The following ANK2 variants were observed in gnomAD, a reference collection of about 807,000 sequenced individuals.
ANK2 encodes the protein ankyrin 2, also known as ankyrin-2.
Under a neutral mutation model 360.5 loss-of-function variants are expected in ANK2, and 83 were observed. That is an observed-to-expected ratio of 0.23 (90% CI 0.19 to 0.28). The LOEUF is 0.28. ANK2 is among the 10% of genes least tolerant of loss of function. The probability of loss-of-function intolerance (pLI) is 1.00; values close to 1 mark genes in which losing one functional copy is unlikely to be tolerated. For synonymous variants in ANK2, 1,740 were observed against 1,759.5 expected, an observed-to-expected ratio of 0.99 and a Z score of 0.28; for missense variants, 4,201 against 4,795.7, an observed-to-expected ratio of 0.88 and a Z score of 3.66.
At chr4:113,280,543 G>A (rs2061899674) in intron 17 of ANK2, among the ~76,000 whole-genome samples, 1 of 152,108 alleles carries the variant, frequency 6.6e-6, no homozygotes, top group African/African-American at 2.4e-5. Context: ...GATCCCCACT[G>A]TAGTCTCCAC....
chr4:113,222,715 A>G (rs917762731), intron 4 of ANK2, among the ~76,000 whole-genome samples: 4 of 152,242 alleles, frequency 2.6e-5, no homozygotes, highest in Admixed American at 1.3e-4. Flanking sequence ...AGGATGACAC[A>G]GTAAACACTT....
chr4:113,194,881 G>A (rs369832559), intron 2 of ANK2, among the ~76,000 whole-genome samples: 114 of 152,082 alleles, frequency 7.5e-4, no homozygotes, highest in African/African-American at 2.6e-3. Flanking sequence ...TTCCCATTTG[G>A]TATGCAGTAT....
At chr4:113,196,238 C>A in intron 2 of ANK2, 130 bp from the exon 3 acceptor site, 1 of 707,542 alleles carries the variant, frequency 1.4e-6, no homozygotes, top group Non-Finnish European at 2.4e-6. Flanking sequence ...ATTCAAGATT[C>A]TAATGCAAAA....
At chr4:112,854,253 G>A (rs931302532) in intron 1 of ANK2, among the ~76,000 whole-genome samples, 28 of 151,920 alleles carry the variant, frequency 1.8e-4, no homozygotes, top group African/African-American at 6.8e-4. Flanking sequence ...TTATAGGATT[G>A]AAGGTTGTGT....
intron 1 of ANK2, among the ~76,000 whole-genome samples, chr4:113,104,433 G>C (rs543761559): frequency 5.9e-5 from 9 of 152,288 alleles, no homozygotes; most frequent in East Asian, 3.9e-4. Context: ...ATTTGGGAGG[G>C]CTGGGCACAG....
chr4:113,255,261 A>G (rs2048663179), intron 10 of ANK2, among the ~76,000 whole-genome samples: 1 of 152,224 alleles, frequency 6.6e-6, no homozygotes, highest in African/African-American at 2.4e-5. Context: ...TTTCAGAGGA[A>G]CATGGATCTA....
chr4:113,242,162 G>T lies in ANK2; in HGVS notation c.844G>T (p.Val282Leu), dbSNP rs886059009. The T allele has an allele frequency of 6.2e-7, 1 of 1,614,058 alleles. No individual in the cohort carries two copies. Among genetic ancestry groups the T allele is most frequent in the East Asian group, 2.2e-5 (1 of 44,862 alleles). The change falls in exon 9 of 46, where the codon GTG (valine) becomes TTG (leucine). Residue 282 changes from valine to leucine, a missense_variant. By Grantham distance (32) the Val-to-Leu change is conservative. Around this residue, in one of 4 missense-constraint regions of ANK2, gnomAD observed 122 missense variants for 239.3 expected, o/e 0.51. Transcript: ENST00000357077. ...TTCCAAAAGAGGAAATACAAACATG[G>T]TGAAGCTCTTACTGGATCGAGGCGG... ...VASKRGNTNM[V>L]KLLLDRGGQI...
chr4:113,241,629 C>T (rs987744723), intron 8 of ANK2, among the ~76,000 whole-genome samples: 4 of 152,174 alleles, frequency 2.6e-5, no homozygotes, highest in Non-Finnish European at 5.9e-5. Context: ...CATGAGCCAC[C>T]ATGCCCAACT....
chr4:112,981,250 C>T (rs1423905648), intron 2 of ANK2, among the ~76,000 whole-genome samples: 1 of 152,154 alleles, frequency 6.6e-6, no homozygotes, highest in African/African-American at 2.4e-5. Flanking sequence ...TATGAAATTG[C>T]GGAGTAGAAA....
In ANK2 at chr4:113,305,363, C is replaced by G. The variant is rs557773482; in HGVS notation, c.2548+2524C>G. ...TCAAAAAAAAAAAAAAAAAAAATAGCCTCTCAGATCTGCCTATTGCATTAA... is the reference window on the plus strand; with the variant it reads ...TCAAAAAAAAAAAAAAAAAAAATAGGCTCTCAGATCTGCCTATTGCATTAA... On this transcript the variant is annotated intron_variant, in intron 23 of 45. Coordinates refer to ENST00000357077, the MANE Select transcript of ANK2 (RefSeq NM_001148.6). Among the ~76,000 whole-genome samples, 436 of 122,314 alleles carry G rather than the reference C, an allele frequency of 3.6e-3. 2 individuals are homozygous for G. Among genetic ancestry groups the G allele is most frequent in the African/African-American group, 0.014 (418 of 30,640 alleles). The allele number at this position is 122,314 out of a possible 152,430, so 80.2% of individuals were successfully genotyped here.
chr4:113,249,721 T>G (rs746531483), intron 9 of ANK2, 43 bp from the exon 10 acceptor site: 52 of 1,589,396 alleles, frequency 3.3e-5, no homozygotes, highest in Non-Finnish European at 4.5e-5. Flanking sequence ...ATATAGATTT[T>G]TTTGAAGTGA....
chr4:112,769,214 T>C, the ANK2 span, among the ~76,000 whole-genome samples: 2 of 152,152 alleles, frequency 1.3e-5, no homozygotes, highest in African/African-American at 4.8e-5. Flanking sequence ...TTTCAAGCAA[T>C]CTTGTGGAAT....
chr4:112,798,960 A>G, the ANK2 span, among the ~76,000 whole-genome samples: 1 of 152,200 alleles, frequency 6.6e-6, no homozygotes, highest in African/African-American at 2.4e-5. Flanking sequence ...GAAATTCCAT[A>G]CCCATTAAAA....
intron 2 of ANK2, among the ~76,000 whole-genome samples, chr4:112,907,141 A>C (rs1464904851): frequency 6.6e-6 from 1 of 152,230 alleles, no homozygotes; most frequent in Non-Finnish European, 1.5e-5. Context: ...AGGTAGGCAC[A>C]TTCTTTCTGC....
At chr4:113,115,267 A>T (rs2094647412) in intron 1 of ANK2, among the ~76,000 whole-genome samples, 1 of 152,248 alleles carries the variant, frequency 6.6e-6, no homozygotes, top group African/African-American at 2.4e-5. Context: ...GTAAATATGT[A>T]AAAGGTTTTT....
chr4:113,264,945 G>A lies in ANK2; in HGVS notation c.1435G>A (p.Val479Met), dbSNP rs2055108556. 3 of 1,569,224 alleles carry A rather than the reference G, an allele frequency of 1.9e-6. No individual in the cohort carries two copies. Among genetic ancestry groups the A allele is most frequent in the Non-Finnish European group, 2.6e-6 (3 of 1,155,974 alleles). ...GGCAGCCCGAGCCGGGCAGGTGGAA[G>A]TGGTCCGATGCCTCCTGAGAAATGG... Reference protein sequence around the residue: ...HMAARAGQVEVVRCLLRNGAL... With the variant: ...HMAARAGQVEMVRCLLRNGAL... The change falls in exon 14 of 46, where the codon GTG (valine) becomes ATG (methionine). Residue 479 changes from valine (V) to methionine (M), a missense_variant. Physicochemically the swap from Val to Met is conservative, Grantham distance 21 (BLOSUM62 1). This residue lies in a region of ANK2 where 1,268 missense variants were observed against 1,650.8 expected (regional missense o/e 0.77). Coordinates refer to ENST00000357077, the MANE Select transcript of ANK2 (RefSeq NM_001148.6).
rs560480810 is a variant in ANK2, at chr4:113,358,138, A to G, written c.9520A>G (p.Thr3174Ala). The change falls in exon 38 of 46, where the codon ACA becomes GCA. Residue 3174 changes from threonine to alanine, a missense_variant. Transcript: ENST00000357077. ...ACTAGCACTTTCAGAATCAAAAGAA[A>G]CAGTGGATGATGAGGCAGACTTACT... is the stretch of plus-strand genomic sequence containing the variant. ...ESLALSESKE[T>A]VDDEADLLPD... The G allele has an allele frequency of 3.1e-6, 5 of 1,614,104 alleles. No individual in the cohort carries two copies. The highest frequency in any genetic ancestry group is 2.2e-5 in the East Asian group (1 of 44,874).
At chr4:112,996,808 C>T (rs1196615888) in intron 2 of ANK2, among the ~76,000 whole-genome samples, 1 of 152,032 alleles carries the variant, frequency 6.6e-6, no homozygotes, top group Non-Finnish European at 1.5e-5. Context: ...CCCTGTTGTG[C>T]CACCAAATAA....
chr4:113,117,035 G>A (rs1209101374), intron 1 of ANK2: 2 of 328,086 alleles, frequency 6.1e-6, no homozygotes, highest in Non-Finnish European at 1.2e-5. Flanking sequence ...CTATGCCTGT[G>A]TGCGTGCAGG....
Sources: allele counts gnomAD v4.1 joint callset (sites outside exome capture counted in the v4.1 genomes callset), GRCh38; gene constraint gnomAD v4.1.1; regional missense constraint gnomAD v4.1.1; transcripts MANE v1.5; gene names NCBI Gene and HGNC (gene_info 2026-07-23, HGNC 2026-07-21).